Variants in FHIT observed in about 807,000 individuals in gnomAD.
The protein encoded by FHIT is bis(5'-adenosyl)-triphosphatase.
In FHIT, 19 loss-of-function variants were observed where a neutral mutation model predicts 17.9. That is an observed-to-expected ratio of 1.06 (90% CI 0.74 to 1.56). The LOEUF (loss-of-function observed/expected upper bound fraction) is 1.56. Ranked by LOEUF, FHIT falls within the 40% of genes most tolerant of loss-of-function variation. The pLI, the probability that FHIT is intolerant of heterozygous loss-of-function variation, is 0.00. For synonymous variants in FHIT, 81 were observed against 69.7 expected (o/e 1.16, Z -0.81); for missense variants, 248 against 189.2 (o/e 1.31, Z -1.82).
intron 3 of FHIT, among the ~76,000 whole-genome samples, chr3:60,979,100 T>C (rs1476276786): frequency 1.3e-5 from 2 of 152,246 alleles, no homozygotes; most frequent in Non-Finnish European, 2.9e-5. Flanking sequence ...ATGATTTACT[T>C]GCCCTCAATT....
At chr3:60,586,643 A>G (rs1197973859) in intron 4 of FHIT, among the ~76,000 whole-genome samples, 3 of 152,104 alleles carry the variant, frequency 2.0e-5, no homozygotes, top group African/African-American at 7.2e-5. Context: ...TATATACACC[A>G]TGGAATACTA....
chr3:60,883,044 A>C (rs1393516054), intron 3 of FHIT, among the ~76,000 whole-genome samples: 1 of 152,158 alleles, frequency 6.6e-6, no homozygotes, highest in African/African-American at 2.4e-5. Flanking sequence ...ACATACAAAA[A>C]TCAGTACCAT....
At chr3:60,728,640 A>G (rs1258416282) in intron 4 of FHIT, among the ~76,000 whole-genome samples, 1 of 151,852 alleles carries the variant, frequency 6.6e-6, no homozygotes, top group Non-Finnish European at 1.5e-5. Flanking sequence ...GGGGCATATT[A>G]GATACTTGAC....
At chr3:60,071,685 G>C (rs2736819) in intron 5 of FHIT, among the ~76,000 whole-genome samples, 109,210 of 151,998 alleles carry the variant, frequency 0.72, 40,283 homozygotes, top group African/African-American at 0.8. Context: ...CAGACTTAAG[G>C]CTGGGGCTCC....
chr3:60,543,084 G>A (rs1373431794), intron 4 of FHIT, among the ~76,000 whole-genome samples: 1 of 152,082 alleles, frequency 6.6e-6, no homozygotes, highest in Non-Finnish European at 1.5e-5. Context: ...TAGAACAAAG[G>A]TCGCACATTT....
At chr3:60,179,253 A>T (rs1309784120) in intron 5 of FHIT, among the ~76,000 whole-genome samples, 1 of 152,186 alleles carries the variant, frequency 6.6e-6, no homozygotes, top group Non-Finnish European at 1.5e-5. Flanking sequence ...AAGTTCATAG[A>T]TGCCACACAG....
At chr3:61,214,418 A>G (rs1298652285) in intron 1 of FHIT, among the ~76,000 whole-genome samples, 1 of 152,250 alleles carries the variant, frequency 6.6e-6, no homozygotes, top group Non-Finnish European at 1.5e-5. Flanking sequence ...AGAAATGGAT[A>G]AATTCCTCGA....
At chr3:60,096,910 G>T (rs1483421689) in intron 5 of FHIT, among the ~76,000 whole-genome samples, 1 of 151,566 alleles carries the variant, frequency 6.6e-6, no homozygotes, top group Non-Finnish European at 1.5e-5. Context: ...GCCAGGCACA[G>T]TGGCTTGTGC....
intron 4 of FHIT, among the ~76,000 whole-genome samples, chr3:60,590,498 G>C (rs2038050729): frequency 1.3e-5 from 2 of 151,784 alleles, no homozygotes; most frequent in Admixed American, 6.6e-5. Context: ...GAGGAAACAG[G>C]GCATAATATA....
chr3:59,796,137 A>G (rs1699768723), intron 8 of FHIT, among the ~76,000 whole-genome samples: 1 of 152,180 alleles, frequency 6.6e-6, no homozygotes, highest in Non-Finnish European at 1.5e-5. Context: ...AACTGTGTCT[A>G]CTGATTGGGT....
intron 5 of FHIT, among the ~76,000 whole-genome samples, chr3:60,328,226 G>C (rs182240665): frequency 1.5e-3 from 230 of 152,264 alleles, no homozygotes; most frequent in African/African-American, 5.0e-3. Context: ...GCAGAGACAG[G>C]GATCTAGATG....
intron 8 of FHIT, among the ~76,000 whole-genome samples, chr3:59,884,683 G>C (rs1302588475): frequency 2.6e-5 from 4 of 152,160 alleles, no homozygotes; most frequent in African/African-American, 4.8e-5. Flanking sequence ...TTTGAGGGTA[G>C]GTAGGGGAGT....
intron 4 of FHIT, among the ~76,000 whole-genome samples, chr3:60,809,711 T>C (rs797023265): frequency 1.3e-5 from 2 of 152,298 alleles, no homozygotes; most frequent in African/African-American, 4.8e-5. Flanking sequence ...AATCAGAGTT[T>C]TTAACCTTCT....
rs71092647 is a variant in FHIT, at chr3:60,859,723, A to ATTTTTTTTTTTTT, written c.-110-37725_-110-37713dup. On this transcript the variant is annotated intron_variant, in intron 3 of 9. Coordinates refer to ENST00000492590, the MANE Select transcript of FHIT (RefSeq NM_002012.4). ...ACATTTGCAGTGGATTCTGAATACG[A>ATTTTTTTTTTTTT]TTTTTTTTTTTTTTTTTTTTTTTTT... Among the ~76,000 whole-genome samples, 59 of 51,926 alleles carry ATTTTTTTTTTTTT rather than the reference A, an allele frequency of 1.1e-3. 11 individuals are homozygous for ATTTTTTTTTTTTT. The highest frequency in any genetic ancestry group is 1.6e-3 in the Non-Finnish European group (46 of 29,368). The allele number at this position is 51,926 out of a possible 152,430, so 34.1% of individuals were successfully genotyped here.
At chr3:60,741,303 A>T (rs538901347) in intron 4 of FHIT, among the ~76,000 whole-genome samples, 2 of 152,136 alleles carry the variant, frequency 1.3e-5, no homozygotes, top group African/African-American at 4.8e-5. Flanking sequence ...CTCATCCACT[A>T]TCATTTTTGA....
At chr3:60,755,255 G>A (rs1237300648) in intron 4 of FHIT, among the ~76,000 whole-genome samples, 2 of 152,198 alleles carry the variant, frequency 1.3e-5, no homozygotes, top group Non-Finnish European at 2.9e-5. Flanking sequence ...TTTCAGGCAT[G>A]TGTGTTTACT....
At chr3:59,822,509 G>A (rs1700831723) in intron 8 of FHIT, among the ~76,000 whole-genome samples, 1 of 152,010 alleles carries the variant, frequency 6.6e-6, no homozygotes, top group East Asian at 1.9e-4. Flanking sequence ...GAGTAAGGTA[G>A]TATCATATTG....
intron 4 of FHIT, among the ~76,000 whole-genome samples, chr3:60,726,236 G>T (rs77000449): frequency 2.0e-5 from 3 of 151,954 alleles, no homozygotes; most frequent in Non-Finnish European, 2.9e-5. Flanking sequence ...TCGCTGAAAG[G>T]GTTTTGTCAA....
Position 60,834,584 on chromosome 3 carries a change from C to T in FHIT, c.-110-12573G>A, listed in dbSNP as rs150950060. Among the ~76,000 whole-genome samples the T allele has an allele frequency of 1.1e-3, 171 of 151,988 alleles. 1 individual carries two copies. Among genetic ancestry groups the T allele is most frequent in the African/African-American group, 3.9e-3 (160 of 41,466 alleles). On this transcript the variant is annotated intron_variant, in intron 3 of 9. Transcript: ENST00000492590. ...TCTCTTAAAAGGGTCTTAGGCCGGG[C>T]GTGGTGGCTCACACCTGTAATACCA...
Sources: gnomAD v4.1 joint callset for allele counts (sites outside exome capture counted in the v4.1 genomes callset) on GRCh38, gnomAD v4.1.1 for gene constraint, MANE v1.5 for transcripts, NCBI Gene and HGNC (gene_info 2026-07-23, HGNC 2026-07-21) for gene names.